Variants in NEXN observed in about 807,000 individuals in gnomAD.
NEXN encodes nexilin F-actin binding protein.
In NEXN, 65 loss-of-function variants were observed where a neutral mutation model predicts 92.6. The ratio of observed to expected loss-of-function variants is 0.70; its 90% CI spans 0.57 to 0.86. The LOEUF is 0.86. NEXN is among the 40% of genes least tolerant of loss of function. NEXN has a pLI of 0.00. For missense variants in NEXN, 778 were observed against 771.1 expected (o/e 1.01, Z -0.11); for synonymous variants, 254 against 242.5 (o/e 1.05, Z -0.44).
At chr1:77,938,417 G>C (rs545018586) in intron 11 of NEXN, among the ~76,000 whole-genome samples, 1 of 152,004 alleles carries the variant, frequency 6.6e-6, no homozygotes, top group African/African-American at 2.4e-5. Context: ...TTGGGAGGCC[G>C]AGGCGGGCGG....
At chr1:77,898,324 T>G (rs1647401581) in intron 1 of NEXN, among the ~76,000 whole-genome samples, 1 of 152,142 alleles carries the variant, frequency 6.6e-6, no homozygotes, top group Non-Finnish European at 1.5e-5. Flanking sequence ...TATAGATCAA[T>G]GGAACAGGAC....
chr1:77,899,642 TAAAATA>T (rs1457096938), intron 1 of NEXN, among the ~76,000 whole-genome samples: 1 of 151,108 alleles, frequency 6.6e-6, no homozygotes. Context: ...CATTAAAACT[TAAAATA>T]TAATAATAAT....
At chr1:77,939,987 C>T (rs1571167166) in intron 11 of NEXN, among the ~76,000 whole-genome samples, 2 of 152,016 alleles carry the variant, frequency 1.3e-5, no homozygotes, top group African/African-American at 4.8e-5. Context: ...GGCAGGAGAA[C>T]GGCTTGAACC....
chr1:77,940,193 G>A (rs1651142844), intron 11 of NEXN, among the ~76,000 whole-genome samples: 1 of 152,092 alleles, frequency 6.6e-6, no homozygotes, highest in South Asian at 2.1e-4. Flanking sequence ...CCCTCATTTG[G>A]TACTTAAATG....
intron 1 of NEXN, among the ~76,000 whole-genome samples, chr1:77,892,540 A>G (rs888225145): frequency 2.0e-5 from 3 of 152,230 alleles, no homozygotes; most frequent in Non-Finnish European, 4.4e-5. Flanking sequence ...CTGACCCTGA[A>G]TACTTGAGTA....
chr1:77,916,862 C>T (rs1034570368), intron 2 of NEXN, among the ~76,000 whole-genome samples: 1 of 152,106 alleles, frequency 6.6e-6, no homozygotes, highest in African/African-American at 2.4e-5. Context: ...TACCAGATTC[C>T]CATTCTTTGT....
intron 10 of NEXN, among the ~76,000 whole-genome samples, chr1:77,934,714 G>A (rs942629590): frequency 7.9e-5 from 12 of 152,270 alleles, no homozygotes; most frequent in East Asian, 5.8e-4. Flanking sequence ...GCGTGTATTC[G>A]CCATCAGCCT....
chr1:77,933,462 A>G lies in NEXN; in HGVS notation c.1234A>G (p.Arg412Gly), dbSNP rs768693715. Residue 412 changes from arginine to glycine, a missense_variant, in exon 10 of 13, where the codon AGA becomes GGA. Arg to Gly is a moderately radical substitution (Grantham distance 125). Around this residue, in one of 3 missense-constraint regions of NEXN, gnomAD observed 532 missense variants for 476.7 expected, o/e 1.12. Coordinates refer to ENST00000334785, the MANE Select transcript of NEXN (RefSeq NM_144573.4). ...GGAGAAACAAGAATTTGAACAACTG[A>G]GACAGGAAATGGGAGAGGTAAGATT... Reference protein sequence around the residue: ...EMEKQEFEQLRQEMGEEEEEN... With the variant: ...EMEKQEFEQLGQEMGEEEEEN... 2.5e-6 allele frequency: 4 copies of G among 1,610,512 alleles called. No individual in the cohort carries two copies. The highest frequency in any genetic ancestry group is 1.7e-4 in the Middle Eastern group (1 of 6,052).
At chr1:77,941,849 C>CT (rs1343481508) in intron 11 of NEXN, 174 bp from the exon 12 acceptor site, 1 of 619,482 alleles carries the variant, frequency 1.6e-6, no homozygotes, top group Non-Finnish European at 2.8e-6. Context: ...ATAAATGTAT[C>CT]TATCACTTTT....
intron 1 of NEXN, among the ~76,000 whole-genome samples, chr1:77,895,612 C>T (rs1288747839): frequency 6.6e-6 from 1 of 152,170 alleles, no homozygotes; most frequent in East Asian, 1.9e-4. Flanking sequence ...GCCTGTAATT[C>T]CAGCACTTTG....
chr1:77,927,530 G>A (rs1054786909), intron 8 of NEXN, among the ~76,000 whole-genome samples: 5 of 152,000 alleles, frequency 3.3e-5, no homozygotes, highest in Non-Finnish European at 7.4e-5. Flanking sequence ...ACAGTTTACG[G>A]TGGAATATGC....
intron 1 of NEXN, among the ~76,000 whole-genome samples, chr1:77,900,010 C>A (rs1647569809): frequency 6.6e-6 from 1 of 152,142 alleles, no homozygotes; most frequent in African/African-American, 2.4e-5. Context: ...TAGGATACAT[C>A]TTTCAGTCAT....
chr1:77,930,635 C>A (rs1013325250), intron 9 of NEXN, among the ~76,000 whole-genome samples: 2 of 152,134 alleles, frequency 1.3e-5, no homozygotes, highest in African/African-American at 4.8e-5. Context: ...CGTTTCATTT[C>A]TTGATTCTTC....
At chr1:77,935,114 A>G (rs1650640149) in intron 10 of NEXN, among the ~76,000 whole-genome samples, 1 of 152,128 alleles carries the variant, frequency 6.6e-6, no homozygotes, top group Non-Finnish European at 1.5e-5. Context: ...CCCAGCCTGG[A>G]GTGCAGTGGC....
intron 1 of NEXN, among the ~76,000 whole-genome samples, chr1:77,908,500 A>G (rs1387165654): frequency 6.7e-6 from 1 of 150,042 alleles, no homozygotes; most frequent in Admixed American, 6.7e-5. Context: ...TCCCGGGTTC[A>G]AGCAATTCTC....
chr1:77,916,525 T>TTA (rs1169366506), intron 2 of NEXN, among the ~76,000 whole-genome samples: 3 of 152,076 alleles, frequency 2.0e-5, no homozygotes, highest in Non-Finnish European at 4.4e-5. Context: ...TTTTAGTGCC[T>TTA]TATATATATA....
Position 77,926,557 on chromosome 1 carries a change from A to T in NEXN, c.633A>T (p.Arg211Ser), listed in dbSNP as rs745502254. 1.2e-6 allele frequency: 2 copies of T among 1,613,928 alleles called. No individual in the cohort carries two copies. Among genetic ancestry groups the T allele is most frequent in the Non-Finnish European group, 1.7e-6 (2 of 1,179,928 alleles). The part of the protein sequence containing the change: ...RIKYEEDKRI[R>S]YEEQRPSLKE... The stretch of plus-strand genomic sequence containing the variant: ...AGTACGAGGAAGATAAAAGAATAAG[A>T]TATGAAGAACAACGACCATCTCTCA... The change falls in exon 7 of 13, where the codon AGA (arginine) becomes AGT (serine). Residue 211 changes from arginine (R) to serine (S), a missense_variant. Transcript: ENST00000334785.
Position 77,892,310 on chromosome 1 carries a change from C to T in NEXN, c.-53+3551C>T, listed in dbSNP as rs904303002. ...AAGTCTGTCTGGGTTTTTAGTGTAC[C>T]TGTCACCCAAATAGTGTACATTGTA... On this transcript the variant is annotated intron_variant, in intron 1 of 12. Coordinates refer to ENST00000334785, the MANE Select transcript of NEXN (RefSeq NM_144573.4). Among the ~76,000 whole-genome samples, 3 of 152,140 alleles carry T rather than the reference C, an allele frequency of 2.0e-5. No individual in the cohort carries two copies. In the South Asian group the frequency reaches 6.2e-4, roughly 32 times the overall value.
chr1:77,942,430 T>C (rs1651440265), intron 12 of NEXN, 31 bp from the exon 13 acceptor site: 2 of 1,605,440 alleles, frequency 1.2e-6, no homozygotes, highest in Non-Finnish European at 1.7e-6. Flanking sequence ...ATACTATAAA[T>C]GCCAACCTGA....
Sources: allele counts gnomAD v4.1 joint callset (sites outside exome capture counted in the v4.1 genomes callset), GRCh38; gene constraint gnomAD v4.1.1; regional missense constraint gnomAD v4.1.1; transcripts MANE v1.5; gene names NCBI Gene and HGNC (gene_info 2026-07-23, HGNC 2026-07-21).